The following CRB1 variants were observed in gnomAD, a reference collection of about 807,000 sequenced individuals.
CRB1 encodes the protein crumbs cell polarity complex component 1.
CRB1 carries 83 observed loss-of-function variants against 120.0 expected under a neutral mutation model. The observed-to-expected ratio is 0.69, with a 90% CI of 0.58 to 0.83. CRB1 has a LOEUF of 0.83. Ranked by LOEUF, CRB1 falls within the 40% of genes least tolerant of loss-of-function variation. The pLI is 0.00. For synonymous variants in CRB1, 625 were observed against 612.5 expected, an observed-to-expected ratio of 1.02 and a Z score of -0.30; for missense variants, 1,699 against 1,687.6, an observed-to-expected ratio of 1.01 and a Z score of -0.12.
chr1:197,394,672 T>A (rs1469336988), intron 5 of CRB1, among the ~76,000 whole-genome samples: 1 of 152,098 alleles, frequency 6.6e-6, no homozygotes, highest in Non-Finnish European at 1.5e-5. Flanking sequence ...AGATTTATTA[T>A]GTTTTTTGCC....
intron 11 of CRB1, among the ~76,000 whole-genome samples, chr1:197,454,302 C>T (rs1275246579): frequency 2.0e-5 from 3 of 151,964 alleles, no homozygotes; most frequent in African/African-American, 7.2e-5. Flanking sequence ...ATTTAAAATA[C>T]TTCAAATGGA....
Position 197,272,672 on chromosome 1 carries a change from G to A in CRB1, c.70+4190G>A, listed in dbSNP as rs1012602740. Among the ~76,000 whole-genome samples the A allele has an allele frequency of 4.6e-5, 7 of 152,096 alleles. 1 individual carries two copies. The highest frequency in any genetic ancestry group is 2.1e-4 in the South Asian group (1 of 4,828). ...AAATATTGCTGTGTGAAAGAAGCTCGTCCAGAAAGGCTACATATTGTATGA... is the reference window on the plus strand; with the variant it reads ...AAATATTGCTGTGTGAAAGAAGCTCATCCAGAAAGGCTACATATTGTATGA... On this transcript the variant is annotated intron_variant, in intron 1 of 11. Coordinates refer to ENST00000367400, the MANE Select transcript of CRB1 (RefSeq NM_201253.3).
At chr1:197,284,725 G>A (rs1039778078) in intron 1 of CRB1, among the ~76,000 whole-genome samples, 4 of 151,796 alleles carry the variant, frequency 2.6e-5, no homozygotes, top group African/African-American at 4.8e-5. Context: ...TGCCTGACAC[G>A]TAGTAAGCAA....
At chr1:197,355,755 G>A (rs1023486640) in intron 4 of CRB1, among the ~76,000 whole-genome samples, 3 of 151,586 alleles carry the variant, frequency 2.0e-5, no homozygotes, top group Middle Eastern at 3.2e-3. Context: ...GTGCAGCCTC[G>A]GTTCCCACAC....
intron 1 of CRB1, among the ~76,000 whole-genome samples, chr1:197,311,445 C>G (rs186162214): frequency 9.9e-5 from 15 of 152,084 alleles, no homozygotes; most frequent in Admixed American, 9.2e-4. Flanking sequence ...GATGAATAAC[C>G]CCTGGAAATC....
rs546564982 is a variant in CRB1, at chr1:197,319,554, C to T, written c.71-8868C>T. 2.2e-3 allele frequency among the ~76,000 whole-genome samples: 328 copies of T among 150,610 alleles called. 1 individual carries two copies. The highest frequency in any genetic ancestry group is 3.7e-3 in the Non-Finnish European group (251 of 67,804). On this transcript the variant is annotated intron_variant, in intron 1 of 11. Coordinates refer to ENST00000367400, the MANE Select transcript of CRB1 (RefSeq NM_201253.3). The stretch of plus-strand genomic sequence containing the variant: ...AACAATGGAAGTAAAGAGATTTGGT[C>T]ACCAATTTAAAAACTAGTTTGTCTG...
At chr1:197,413,638 C>G (rs1663817230) in intron 5 of CRB1, among the ~76,000 whole-genome samples, 1 of 152,194 alleles carries the variant, frequency 6.6e-6, no homozygotes. Flanking sequence ...ATAATACTGT[C>G]AGCGTTCAGT....
intron 5 of CRB1, among the ~76,000 whole-genome samples, chr1:197,384,755 G>A (rs540853559): frequency 3.9e-4 from 59 of 152,126 alleles, no homozygotes; most frequent in Admixed American, 2.8e-3. Context: ...TAATTGTTTA[G>A]CATTTACGGA....
the CRB1 span, chr1:197,222,518 G>T: frequency 1.3e-6 from 1 of 768,192 alleles, no homozygotes; most frequent in African/African-American, 1.7e-5. Flanking sequence ...ATGCAGTTCC[G>T]TTTGGTCTTG....
chr1:197,417,604 C>A (rs1008208947), intron 5 of CRB1, among the ~76,000 whole-genome samples: 1 of 152,156 alleles, frequency 6.6e-6, no homozygotes, highest in Non-Finnish European at 1.5e-5. Flanking sequence ...CGTCTGCCTG[C>A]CTTCACAGTT....
intron 5 of CRB1, among the ~76,000 whole-genome samples, chr1:197,373,572 G>A (rs1661487221): frequency 6.6e-6 from 1 of 152,160 alleles, no homozygotes; most frequent in Non-Finnish European, 1.5e-5. Flanking sequence ...TTGGCCAACA[G>A]GAGACAAATC....
intron 5 of CRB1, among the ~76,000 whole-genome samples, chr1:197,419,369 T>C (rs1435427504): frequency 1.3e-5 from 2 of 151,820 alleles, no homozygotes; most frequent in Non-Finnish European, 2.9e-5. Context: ...GATTCTTTTT[T>C]TTTTTTTTTT....
intron 1 of CRB1, among the ~76,000 whole-genome samples, chr1:197,312,794 A>G (rs1657616466): frequency 6.6e-6 from 1 of 152,094 alleles, no homozygotes; most frequent in Admixed American, 6.5e-5. Flanking sequence ...CCTTTCCACA[A>G]TATTTTATCC....
intron 8 of CRB1, among the ~76,000 whole-genome samples, chr1:197,430,980 T>C (rs985911430): frequency 1.3e-5 from 2 of 151,900 alleles, no homozygotes; most frequent in Non-Finnish European, 2.9e-5. Flanking sequence ...GTGGGAGGAC[T>C]GCTTGAGCCC....
At chr1:197,469,542 A>G (rs1447017122) in intron 11 of CRB1, among the ~76,000 whole-genome samples, 2 of 152,192 alleles carry the variant, frequency 1.3e-5, no homozygotes, top group Non-Finnish European at 2.9e-5. Flanking sequence ...AAACTACAAG[A>G]GTTTGCAGCT....
Position 197,477,975 on chromosome 1 carries a change from A to G in CRB1, c.*96A>G. On this transcript the variant is annotated 3_prime_UTR_variant, in exon 12 of 12. Coordinates refer to ENST00000367400, the MANE Select transcript of CRB1 (RefSeq NM_201253.3). ...ACATACCTGACAATGTTAATCTGCA[A>G]CTGGGATTACACTGGAACTACAGGA... is the stretch of plus-strand genomic sequence containing the variant. The G allele has an allele frequency of 1.6e-6, 2 of 1,214,920 alleles. No homozygotes were observed. The highest frequency in any genetic ancestry group is 2.4e-6 in the Non-Finnish European group (2 of 821,436). 75.3% of individuals were successfully genotyped at this position (1,214,920 alleles called of 1,614,324 possible). A position where few individuals can be genotyped will look rare whatever the true frequency, so the allele number is the denominator to read the frequency against.
the CRB1 span, among the ~76,000 whole-genome samples, chr1:197,244,553 G>A: frequency 6.6e-6 from 1 of 151,878 alleles, no homozygotes; most frequent in Admixed American, 6.6e-5. Flanking sequence ...TTTACTTACA[G>A]GTAGGGTGTA....
intron 11 of CRB1, among the ~76,000 whole-genome samples, chr1:197,454,824 A>T (rs1666198963): frequency 6.6e-6 from 1 of 152,180 alleles, no homozygotes; most frequent in South Asian, 2.1e-4. Context: ...TAATGCATTT[A>T]TTCATTCATC....
intron 8 of CRB1, 83 bp downstream of exon 8, chr1:197,429,697 T>C: frequency 1.4e-6 from 2 of 1,388,624 alleles, no homozygotes; most frequent in Middle Eastern, 2.1e-4. Context: ...AAAAAGAGTA[T>C]AGACAAAGCC....
Sources: allele counts gnomAD v4.1 joint callset (sites outside exome capture counted in the v4.1 genomes callset), GRCh38; gene constraint gnomAD v4.1.1; transcripts MANE v1.5; gene names NCBI Gene and HGNC (gene_info 2026-07-23, HGNC 2026-07-21).